Variants in NXN observed in about 807,000 individuals in gnomAD.
The protein encoded by NXN is nucleoredoxin 1.
NXN carries 16 observed loss-of-function variants against 48.6 expected under a neutral mutation model. The observed-to-expected ratio is 0.33, with a 90% CI of 0.22 to 0.50. The LOEUF is 0.50. Ranked by LOEUF, NXN falls within the 20% of genes least tolerant of loss-of-function variation. NXN has a pLI of 0.98. For synonymous variants in NXN, 281 were observed against 269.6 expected, an observed-to-expected ratio of 1.04 and a Z score of -0.41; for missense variants, 492 against 605.5, an observed-to-expected ratio of 0.81 and a Z score of 1.97.
rs559977684 is a variant in NXN at position 892,643 on chromosome 17, G to C, written c.361-66565C>G. ...TGCTGGGAAGGGGCGGGGCGGGGTG[G>C]GGTGTGTGGGGGGGTGCTGTTCCGC... On this transcript the variant is annotated intron_variant, in intron 1 of 7. Coordinates refer to ENST00000336868, the MANE Select transcript of NXN (RefSeq NM_022463.5). Among the ~76,000 whole-genome samples the C allele has an allele frequency of 2.6e-5, 4 of 152,244 alleles. No individual in the cohort carries two copies. The East Asian group carries it at 5.8e-4, about 22-fold the overall frequency.
chr17:902,206 C>T (rs1464396398), intron 1 of NXN, among the ~76,000 whole-genome samples: 6 of 152,222 alleles, frequency 3.9e-5, no homozygotes, highest in Non-Finnish European at 8.8e-5. Flanking sequence ...TTATTCACTG[C>T]TCCCACTCGC....
At chr17:935,603 G>A (rs1256136410) in intron 1 of NXN, among the ~76,000 whole-genome samples, 1 of 152,172 alleles carries the variant, frequency 6.6e-6, no homozygotes, top group Non-Finnish European at 1.5e-5. Flanking sequence ...CTCCACACGT[G>A]TTTACTGAGC....
chr17:967,252 A>G (rs2069317350), intron 1 of NXN, among the ~76,000 whole-genome samples: 1 of 152,152 alleles, frequency 6.6e-6, no homozygotes, highest in Non-Finnish European at 1.5e-5. Context: ...AAGGGCGACC[A>G]TGCCGGACTC....
chr17:914,974 C>T (rs1034857494), intron 1 of NXN, among the ~76,000 whole-genome samples: 4 of 151,908 alleles, frequency 2.6e-5, no homozygotes, highest in Admixed American at 1.3e-4. Flanking sequence ...AAGTCTCGCT[C>T]GCCAGGCTGG....
At chr17:963,790 A>T (rs1223330843) in intron 1 of NXN, among the ~76,000 whole-genome samples, 2 of 151,852 alleles carry the variant, frequency 1.3e-5, no homozygotes, top group Non-Finnish European at 2.9e-5. Flanking sequence ...AATAAATAAA[A>T]TGCTGGGCCG....
intron 5 of NXN, among the ~76,000 whole-genome samples, chr17:812,671 T>TGAGTGTAGGTGTATGC (rs1555609358): frequency 6.7e-6 from 1 of 149,220 alleles, no homozygotes; most frequent in East Asian, 2.0e-4. Flanking sequence ...TAGGTGTGTG[T>TGAGTGTAGGTGTATGC]GAGTGTAGGT....
At chr17:876,743 G>A (rs1597685607) in intron 1 of NXN, among the ~76,000 whole-genome samples, 1 of 152,118 alleles carries the variant, frequency 6.6e-6, no homozygotes, top group East Asian at 1.9e-4. Context: ...CACATTCTAT[G>A]TCATCAAAAT....
chr17:820,153 G>A (rs1227043598), intron 4 of NXN, among the ~76,000 whole-genome samples: 4 of 152,186 alleles, frequency 2.6e-5, no homozygotes, highest in African/African-American at 9.7e-5. Flanking sequence ...TGGTTACGTG[G>A]TACGTACATC....
At chr17:931,910 G>A (rs959903432) in intron 1 of NXN, among the ~76,000 whole-genome samples, 2 of 148,274 alleles carry the variant, frequency 1.3e-5, no homozygotes, top group East Asian at 1.9e-4. Flanking sequence ...TTGGGAGGCC[G>A]AGGCGGGGGG....
intron 1 of NXN, among the ~76,000 whole-genome samples, chr17:827,189 C>A (rs1055390588): frequency 6.6e-6 from 1 of 152,014 alleles, no homozygotes; most frequent in African/African-American, 2.4e-5. Context: ...ACTTAAAATA[C>A]AAAAATTAGC....
chr17:821,072 TGGCAGAGACGGGAGCTGTGGCAC>T lies in NXN; in HGVS notation c.713+1262_713+1284del, dbSNP rs1449111141. ...ACGGCAGAGACGGGGAGCTGTGGCA[TGGCAGAGACGGGAGCTGTGGCAC>T]GGCAGAGGCGGGAGCTGTGGCATGG... On this transcript the variant is annotated intron_variant, in intron 4 of 7. Coordinates refer to ENST00000336868, the MANE Select transcript of NXN (RefSeq NM_022463.5). 2.2e-4 allele frequency among the ~76,000 whole-genome samples: 15 copies of T among 69,022 alleles called. 6 individuals are homozygous for T. Among genetic ancestry groups the T allele is most frequent in the African/African-American group, 6.5e-4 (7 of 10,744 alleles). 45.3% of individuals were successfully genotyped at this position (69,022 alleles called of 152,430 possible).
chr17:813,164 AGTTTT>A (rs1912264685), intron 5 of NXN, among the ~76,000 whole-genome samples: 2 of 152,266 alleles, frequency 1.3e-5, no homozygotes, highest in South Asian at 4.1e-4. Flanking sequence ...TACTGGTCAG[AGTTTT>A]GTGACGCTAC....
chr17:906,515 C>T (rs1053025082), intron 1 of NXN, among the ~76,000 whole-genome samples: 2 of 151,590 alleles, frequency 1.3e-5, no homozygotes, highest in Non-Finnish European at 1.5e-5. Context: ...AAGGCTGTCT[C>T]GAGGCTCATG....
At chr17:939,237 C>A (rs1458959157) in intron 1 of NXN, among the ~76,000 whole-genome samples, 1 of 151,964 alleles carries the variant, frequency 6.6e-6, no homozygotes, top group East Asian at 1.9e-4. Flanking sequence ...AAATCTGGAA[C>A]TGGCCTACAT....
intron 1 of NXN, among the ~76,000 whole-genome samples, chr17:903,882 G>A (rs941723237): frequency 1.3e-5 from 2 of 152,096 alleles, no homozygotes; most frequent in African/African-American, 4.8e-5. Context: ...CCACTGGGGC[G>A]GCCCCCTCCG....
At chr17:882,611 G>GC (rs1276232589) in intron 1 of NXN, among the ~76,000 whole-genome samples, 1 of 151,878 alleles carries the variant, frequency 6.6e-6, no homozygotes, top group Non-Finnish European at 1.5e-5. Context: ...GACTTCAGGC[G>GC]CCCACCACCA....
At chr17:826,597 C>T (rs1913116358) in intron 1 of NXN, among the ~76,000 whole-genome samples, 1 of 152,256 alleles carries the variant, frequency 6.6e-6, no homozygotes, top group South Asian at 2.1e-4. Flanking sequence ...AGCCGCTCTC[C>T]ACGGCCCCTT....
At chr17:858,415 G>A (rs188969137) in intron 1 of NXN, among the ~76,000 whole-genome samples, 1 of 152,230 alleles carries the variant, frequency 6.6e-6, no homozygotes, top group East Asian at 1.9e-4. Flanking sequence ...AGGTGATACT[G>A]GACGGCTGAG....
chr17:951,172 A>C (rs2069105014), intron 1 of NXN, among the ~76,000 whole-genome samples: 2 of 49,924 alleles, frequency 4.0e-5, no homozygotes, highest in Non-Finnish European at 7.5e-5. Context: ...CCCTGTCTCT[A>C]CTTAAAAAAA....
Sources: gnomAD v4.1 joint callset for allele counts (sites outside exome capture counted in the v4.1 genomes callset) on GRCh38, gnomAD v4.1.1 for gene constraint, MANE v1.5 for transcripts, NCBI Gene and HGNC (gene_info 2026-07-23, HGNC 2026-07-21) for gene names.